The following GRB14 variants were observed in gnomAD, a reference collection of about 807,000 sequenced individuals.
GRB14 encodes growth factor receptor-bound protein 14.
Under a neutral mutation model 69.1 loss-of-function variants are expected in GRB14, and 38 were observed. The ratio of observed to expected loss-of-function variants is 0.55; its 90% CI spans 0.42 to 0.72. The LOEUF is 0.72. GRB14 is among the 30% of genes least tolerant of loss of function. The probability of loss-of-function intolerance (pLI) is 0.00; values close to 1 mark genes in which losing one functional copy is unlikely to be tolerated. For missense variants in GRB14, 666 were observed against 666.1 expected, an observed-to-expected ratio of 1.00 and a Z score of 0.00; for synonymous variants, 247 against 241.3, an observed-to-expected ratio of 1.02 and a Z score of -0.22.
At chr2:164,504,217 C>T (rs1463291011) in intron 8 of GRB14, among the ~76,000 whole-genome samples, 2 of 151,668 alleles carry the variant, frequency 1.3e-5, no homozygotes, top group African/African-American at 2.4e-5. Flanking sequence ...AACAAGTGGC[C>T]AAATTCTTGG....
At chr2:164,610,753 G>A (rs1363474774) in intron 2 of GRB14, among the ~76,000 whole-genome samples, 1 of 150,230 alleles carries the variant, frequency 6.7e-6, no homozygotes, top group Non-Finnish European at 1.5e-5. Context: ...ATAAAGCCAA[G>A]ATAATTCACA....
chr2:164,541,132 G>A (rs570697368), intron 3 of GRB14, among the ~76,000 whole-genome samples: 26 of 152,062 alleles, frequency 1.7e-4, no homozygotes, highest in African/African-American at 5.8e-4. Context: ...GATTTTTGAG[G>A]TATTTACAAT....
intron 2 of GRB14, among the ~76,000 whole-genome samples, chr2:164,587,948 A>G (rs948940699): frequency 3.3e-5 from 5 of 152,190 alleles, no homozygotes; most frequent in African/African-American, 1.2e-4. Flanking sequence ...GTTTGCCATG[A>G]TAATTTCTGA....
chr2:164,563,969 TA>T (rs1301015036), intron 2 of GRB14, among the ~76,000 whole-genome samples: 1 of 152,134 alleles, frequency 6.6e-6, no homozygotes, highest in East Asian at 1.9e-4. Context: ...AAATATTATT[TA>T]AAAGGTAATA....
chr2:164,557,418 T>A (rs1688708836), intron 2 of GRB14, among the ~76,000 whole-genome samples: 1 of 152,242 alleles, frequency 6.6e-6, no homozygotes, highest in Admixed American at 6.5e-5. Context: ...TAGAAATAAT[T>A]CTTAAAAATT....
chr2:164,575,271 T>C (rs1296370523), intron 2 of GRB14, among the ~76,000 whole-genome samples: 1 of 152,208 alleles, frequency 6.6e-6, no homozygotes, highest in African/African-American at 2.4e-5. Context: ...TTTGAACATA[T>C]TACAAATATA....
At chr2:164,580,663 C>T (rs1039631469) in intron 2 of GRB14, among the ~76,000 whole-genome samples, 7 of 151,384 alleles carry the variant, frequency 4.6e-5, no homozygotes, top group Non-Finnish European at 8.8e-5. Context: ...AAGATTGTGC[C>T]ACTGCACTCC....
At chr2:164,518,755 A>G (rs1033541008) in intron 6 of GRB14, among the ~76,000 whole-genome samples, 3 of 152,158 alleles carry the variant, frequency 2.0e-5, no homozygotes, top group African/African-American at 7.2e-5. Context: ...TATGCATATA[A>G]ACTAAAAAAC....
intron 2 of GRB14, among the ~76,000 whole-genome samples, chr2:164,588,883 G>T (rs1689595875): frequency 6.6e-6 from 1 of 152,204 alleles, no homozygotes; most frequent in Non-Finnish European, 1.5e-5. Context: ...TCAGCTTGCT[G>T]CAGGGAAGGC....
At chr2:164,563,597 G>A (rs1171283846) in intron 2 of GRB14, among the ~76,000 whole-genome samples, 1 of 152,144 alleles carries the variant, frequency 6.6e-6, no homozygotes, top group Non-Finnish European at 1.5e-5. Context: ...TCCATAAAAG[G>A]AAAAAGGACC....
intron 2 of GRB14, among the ~76,000 whole-genome samples, chr2:164,612,537 C>T (rs1173182614): frequency 2.0e-5 from 3 of 152,172 alleles, no homozygotes; most frequent in Non-Finnish European, 4.4e-5. Flanking sequence ...CTTGAGCTGA[C>T]CTTTATCTGT....
chr2:164,552,552 A>C (rs1264114426), intron 2 of GRB14, among the ~76,000 whole-genome samples: 2 of 152,218 alleles, frequency 1.3e-5, no homozygotes, highest in Non-Finnish European at 2.9e-5. Flanking sequence ...CCTAGGTAGG[A>C]ACTGACTCAA....
Position 164,527,145 on chromosome 2 carries a change from A to C in GRB14, c.482-10T>G. The C allele has an allele frequency of 2.2e-6, 3 of 1,388,426 alleles. No individual in the cohort carries two copies. Among genetic ancestry groups the C allele is most frequent in the South Asian group, 1.3e-5 (1 of 79,400 alleles). The allele number at this position is 1,388,426 out of a possible 1,614,324, so 86.0% of individuals were successfully genotyped here. A position where few individuals can be genotyped will look rare whatever the true frequency, so the allele number is the denominator to read the frequency against. ...TCTTCTATTGTTCTTTCTGTAAAGA[A>C]TGTTTCAATGAGTATGTTGACAGAT... is the stretch of plus-strand genomic sequence containing the variant. On this transcript the variant is annotated splice_polypyrimidine_tract_variant and intron_variant, in intron 3 of 13. Transcript: ENST00000263915.
intron 8 of GRB14, among the ~76,000 whole-genome samples, chr2:164,503,363 A>AGAG (rs1162782427): frequency 6.7e-6 from 1 of 149,002 alleles, no homozygotes; most frequent in Non-Finnish European, 1.5e-5. Flanking sequence ...ACATTCCAGC[A>AGAG]GAGCTGTTTT....
At chr2:164,530,806 AGGCTTT>A (rs1298106903) in intron 3 of GRB14, among the ~76,000 whole-genome samples, 2 of 152,210 alleles carry the variant, frequency 1.3e-5, no homozygotes, top group African/African-American at 4.8e-5. Context: ...AGTAAGGGCT[AGGCTTT>A]TCCTCTGTGT....
rs148268784 is a variant in GRB14 at position 164,503,442 on chromosome 2, C to CAA, written c.1024-1109_1024-1108dup. On this transcript the variant is annotated intron_variant, in intron 8 of 13. Coordinates refer to ENST00000263915, the MANE Select transcript of GRB14 (RefSeq NM_004490.3). ...ACAATGGGTATATTTGGTAATTAGG[C>CAA]AAAAAAAAAAAAAAAAAAAAAAAAA... Among the ~76,000 whole-genome samples the CAA allele has an allele frequency of 8.8e-3, 812 of 92,068 alleles. 60 individuals carry two copies. Among genetic ancestry groups the CAA allele is most frequent in the East Asian group, 0.015 (13 of 878 alleles). 60.4% of individuals were successfully genotyped at this position (92,068 alleles called of 152,430 possible).
intron 3 of GRB14, among the ~76,000 whole-genome samples, chr2:164,546,783 C>T (rs181230361): frequency 6.6e-6 from 1 of 152,096 alleles, no homozygotes; most frequent in Non-Finnish European, 1.5e-5. Flanking sequence ...TAAAAGGGGG[C>T]AGGACAACCA....
At chr2:164,553,168 A>G (rs1382154120) in intron 2 of GRB14, among the ~76,000 whole-genome samples, 3 of 152,204 alleles carry the variant, frequency 2.0e-5, no homozygotes, top group African/African-American at 7.2e-5. Context: ...AGAAAATGAA[A>G]AACTAGAGAC....
chr2:164,601,146 T>C (rs1441584500), intron 2 of GRB14, among the ~76,000 whole-genome samples: 3 of 152,132 alleles, frequency 2.0e-5, no homozygotes, highest in Non-Finnish European at 4.4e-5. Context: ...ACAGCTAAAC[T>C]CTTTCAGTAA....
Sources: gnomAD v4.1 joint callset for allele counts (sites outside exome capture counted in the v4.1 genomes callset) on GRCh38, gnomAD v4.1.1 for gene constraint, MANE v1.5 for transcripts, NCBI Gene and HGNC (gene_info 2026-07-23, HGNC 2026-07-21) for gene names.